The following NHSL2 variants were observed in gnomAD, a reference collection of about 807,000 sequenced individuals.
NHSL2 encodes the protein NHS-like protein 2.
Under a neutral mutation model 53.4 loss-of-function variants are expected in NHSL2, and 27 were observed. That is an observed-to-expected ratio of 0.51 (90% CI 0.37 to 0.70). The LOEUF is 0.70. NHSL2 is among the 30% of genes least tolerant of loss of function. NHSL2 has a pLI of 0.00. For missense variants in NHSL2, 892 were observed against 980.1 expected (o/e 0.91, Z 1.20); for synonymous variants, 408 against 404.1 (o/e 1.01, Z -0.12).
chrX:72,083,274 G>A (rs1308757426), intron 1 of NHSL2, among the ~76,000 whole-genome samples: 2 of 113,196 alleles, frequency 1.8e-5, no homozygotes, highest in Non-Finnish European at 3.7e-5. Flanking sequence ...ACATTTGTAG[G>A]CTACTTTAGT....
At chrX:72,130,101 C>T in intron 1 of NHSL2, 1 of 1,211,033 alleles carries the variant, frequency 8.3e-7, no homozygotes. Context: ...GGCCAGAAGT[C>T]TGGGATGACG....
intron 1 of NHSL2, among the ~76,000 whole-genome samples, chrX:71,925,747 G>A (rs2041681539): frequency 8.9e-6 from 1 of 111,988 alleles, no homozygotes; most frequent in African/African-American, 3.2e-5. Context: ...TCCTCACAAT[G>A]ATTGCATGAA....
At position 72,148,840 on chromosome X, in the gene NHSL2, A is replaced by ATG. The variant is rs58448364; in HGVS notation, c.*5304_*5305dup. ...GGAGAAAGAGAGAGAGAGAGAGTGTATGTGTGTGTGTGTGTGTGTGTGTGT... is the reference window on the plus strand; with the variant it reads ...GGAGAAAGAGAGAGAGAGAGAGTGTATGTGTGTGTGTGTGTGTGTGTGTGTGT... On this transcript the variant is annotated 3_prime_UTR_variant, in exon 8 of 8. Transcript: ENST00000633930. The ATG allele has an allele frequency of 0.11, 9,278 of 85,549 alleles. 729 individuals are homozygous for ATG. The highest frequency in any genetic ancestry group is 0.24 in the African/African-American group (5,619 of 22,958). The allele number at this position is 85,549 out of a possible 1,213,427, so 7.1% of individuals were successfully genotyped here.
chrX:72,052,788 C>T (rs186904822), intron 1 of NHSL2, among the ~76,000 whole-genome samples: 1 of 111,822 alleles, frequency 8.9e-6, no homozygotes, highest in African/African-American at 3.3e-5. Flanking sequence ...GTGGGGGCCT[C>T]TCCTGAGCCA....
Position 72,042,838 on chromosome X carries a change from G to A in NHSL2, c.281-89241G>A, listed in dbSNP as rs1260058242. On this transcript the variant is annotated intron_variant, in intron 1 of 7. Coordinates refer to ENST00000633930, the MANE Select transcript of NHSL2 (RefSeq NM_001013627.3). Reference sequence around the variant, plus strand: ...TGGATGGAAGATGTGGGCCTATATTGTGTGCCCGGTGCATTGTAGGTGCTT... The same window carrying A: ...TGGATGGAAGATGTGGGCCTATATTATGTGCCCGGTGCATTGTAGGTGCTT... Among the ~76,000 whole-genome samples, 5 of 110,315 alleles carry A rather than the reference G, an allele frequency of 4.5e-5. No homozygotes were observed. In the Admixed American group the frequency reaches 4.8e-4, roughly 11 times the overall value.
chrX:71,981,286 C>T (rs1479481327), intron 1 of NHSL2, among the ~76,000 whole-genome samples: 4 of 112,525 alleles, frequency 3.6e-5, no homozygotes, highest in African/African-American at 9.7e-5. Flanking sequence ...CAGTGGCTCA[C>T]GCCAGTAATC....
chrX:71,950,256 TC>T (rs1216533357), intron 1 of NHSL2, among the ~76,000 whole-genome samples: 2 of 112,736 alleles, frequency 1.8e-5, no homozygotes, highest in Non-Finnish European at 3.8e-5. Context: ...AAGGATAACT[TC>T]CAGAAAAAGA....
intron 1 of NHSL2, among the ~76,000 whole-genome samples, chrX:71,951,005 TACACACACACACACACACAC>T (rs10527333): frequency 1.1e-5 from 1 of 89,749 alleles, no homozygotes; most frequent in Non-Finnish European, 2.1e-5. Context: ...AAATACAAAA[TACACACACACACACACACAC>T]ACACACACAC....
At chrX:71,989,016 T>G (rs887316991) in intron 1 of NHSL2, among the ~76,000 whole-genome samples, 1 of 111,282 alleles carries the variant, frequency 9.0e-6, no homozygotes, top group Admixed American at 9.5e-5. Context: ...TACTAACACT[T>G]TCTATGTTTT....
At chrX:72,088,775 A>G (rs1326852663) in intron 1 of NHSL2, among the ~76,000 whole-genome samples, 3 of 112,202 alleles carry the variant, frequency 2.7e-5, no homozygotes, top group Non-Finnish European at 3.8e-5. Context: ...AAAAAAAAAG[A>G]AAGGAAAAAG....
At chrX:72,051,088 A>T (rs2042337998) in intron 1 of NHSL2, among the ~76,000 whole-genome samples, 1 of 111,639 alleles carries the variant, frequency 9.0e-6, no homozygotes, top group Non-Finnish European at 1.9e-5. Flanking sequence ...GTGCTATTAT[A>T]CTACATGAAG....
In NHSL2 at chrX:71,911,321, C is replaced by T. The variant is rs779805588; in HGVS notation, c.234C>T (p.Arg78=). 8.9e-6 allele frequency: 10 copies of T among 1,120,583 alleles called. No individual in the cohort carries two copies. Among genetic ancestry groups the T allele is most frequent in the Non-Finnish European group, 1.1e-5 (9 of 853,330 alleles). The allele number at this position is 1,120,583 out of a possible 1,213,427, so 92.3% of individuals were successfully genotyped here. ...GGCGCACCGTGCGCCTCCGCCGCCG[C>T]CTTCCCTGCCGCCTGCTTGGCCCGG... ...LYRRTVRLRR[R]LPCRLLGPEE... Residue 78 remains arginine (R), a synonymous_variant, in exon 1 of 8, where the codon CGC becomes CGT. Coordinates refer to ENST00000633930, the MANE Select transcript of NHSL2 (RefSeq NM_001013627.3).
intron 1 of NHSL2, among the ~76,000 whole-genome samples, chrX:72,088,021 G>T (rs1027705409): frequency 1.8e-5 from 2 of 110,534 alleles, no homozygotes; most frequent in East Asian, 5.7e-4. Context: ...ACCTGAGGTC[G>T]GGAATTCGAG....
At position 72,140,110 on chromosome X, in the gene NHSL2, C is replaced by T. The variant is rs1569484287; in HGVS notation, c.2562C>T (p.Pro854=). ...DIESPEYAEE[P]RAEEVFTLPE... Reference sequence around the variant, plus strand: ...AGAGCCCTGAGTATGCCGAGGAACCCAGAGCAGAAGAAGTCTTCACCTTGC... The same window carrying T: ...AGAGCCCTGAGTATGCCGAGGAACCTAGAGCAGAAGAAGTCTTCACCTTGC... The change falls in exon 6 of 8, where the codon CCC becomes CCT. Residue 854 remains proline (P), a synonymous_variant. Coordinates refer to ENST00000633930, the MANE Select transcript of NHSL2 (RefSeq NM_001013627.3). 1.7e-6 allele frequency: 2 copies of T among 1,210,227 alleles called. No individual in the cohort carries two copies. The highest frequency in any genetic ancestry group is 2.2e-6 in the Non-Finnish European group (2 of 894,650).
At chrX:71,989,762 G>A (rs908194582) in intron 1 of NHSL2, among the ~76,000 whole-genome samples, 1 of 112,637 alleles carries the variant, frequency 8.9e-6, no homozygotes, top group East Asian at 2.8e-4. Context: ...GGTGACTTGA[G>A]AGGAACCTGA....
chrX:72,113,328 G>A (rs1390660082), intron 1 of NHSL2, among the ~76,000 whole-genome samples: 5 of 111,237 alleles, frequency 4.5e-5, no homozygotes, highest in Non-Finnish European at 9.4e-5. Flanking sequence ...CCTGCCGTGA[G>A]GGGTGCTCTG....
intron 1 of NHSL2, among the ~76,000 whole-genome samples, chrX:72,021,327 C>T (rs760868010): frequency 8.9e-6 from 1 of 112,260 alleles, no homozygotes; most frequent in Non-Finnish European, 1.9e-5. Context: ...CTATCCCCTG[C>T]CTTCCTGTCT....
chrX:72,031,745 A>G (rs925397766), intron 1 of NHSL2, among the ~76,000 whole-genome samples: 15 of 111,352 alleles, frequency 1.3e-4, no homozygotes, highest in African/African-American at 4.9e-4. Context: ...GGAAAAAAAA[A>G]AAAAAAAAAC....
chrX:72,043,309 T>C (rs1176998662), intron 1 of NHSL2, among the ~76,000 whole-genome samples: 2 of 111,841 alleles, frequency 1.8e-5, no homozygotes, highest in African/African-American at 6.5e-5. Flanking sequence ...GGTTAAACTT[T>C]GGACATCAGT....
Sources: allele counts gnomAD v4.1 joint callset (sites outside exome capture counted in the v4.1 genomes callset), GRCh38; gene constraint gnomAD v4.1.1; transcripts MANE v1.5; gene names NCBI Gene and HGNC (gene_info 2026-07-23, HGNC 2026-07-21).